COL19A1: variants seen among roughly 807,000 people sequenced by gnomAD.
COL19A1 encodes the protein collagen alpha-1(XIX) chain.
A neutral mutation model predicts 190.2 loss-of-function variants in COL19A1; 159 were observed. The observed-to-expected ratio is 0.84, with a 90% CI of 0.73 to 0.95. The LOEUF (loss-of-function observed/expected upper bound fraction) is 0.95. Among genes scored for constraint, COL19A1 ranks in the 40% least tolerant of loss-of-function variants. The pLI, the probability that COL19A1 is intolerant of heterozygous loss-of-function variation, is 0.00. For missense variants in COL19A1, 1,418 were observed against 1,431.9 expected, an observed-to-expected ratio of 0.99 and a Z score of 0.16; for synonymous variants, 509 against 458.9, an observed-to-expected ratio of 1.11 and a Z score of -1.39.
At chr6:69,920,422 T>C (rs890579943) in intron 4 of COL19A1, among the ~76,000 whole-genome samples, 1 of 152,172 alleles carries the variant, frequency 6.6e-6, no homozygotes, top group Non-Finnish European at 1.5e-5. Flanking sequence ...TCTGCAACAT[T>C]GAAGTGAATT....
At position 70,130,690 on chromosome 6, in the gene COL19A1, A is replaced by G. The variant is rs538766790; in HGVS notation, c.1383+467A>G. Among the ~76,000 whole-genome samples, 132 of 152,354 alleles carry G rather than the reference A, an allele frequency of 8.7e-4. 1 individual carries two copies. The highest frequency in any genetic ancestry group is 2.6e-3 in the African/African-American group (108 of 41,590). The stretch of plus-strand genomic sequence containing the variant: ...GCCTGCCTCCTGACCAGGCAGTAGG[A>G]TTCGAATCTGCTTCAGGGTCCAGCA... On this transcript the variant is annotated intron_variant, in intron 18 of 50. Coordinates refer to ENST00000620364, the MANE Select transcript of COL19A1 (RefSeq NM_001858.6).
intron 49 of COL19A1, among the ~76,000 whole-genome samples, chr6:70,204,956 G>C (rs1260275227): frequency 6.6e-6 from 1 of 151,986 alleles, no homozygotes; most frequent in African/African-American, 2.4e-5. Context: ...TTTTTTTCCT[G>C]CTGTTCACAT....
chr6:70,184,096 C>A (rs1562252385), intron 44 of COL19A1, among the ~76,000 whole-genome samples: 1 of 152,186 alleles, frequency 6.6e-6, no homozygotes, highest in Non-Finnish European at 1.5e-5. Context: ...CTGTCAAAAA[C>A]CATGATTATA....
intron 1 of COL19A1, among the ~76,000 whole-genome samples, chr6:69,869,038 A>G (rs546116321): frequency 0.064 from 1,084 of 16,950 alleles, 30 homozygotes; most frequent in East Asian, 0.34. Context: ...AGATGCTGGA[A>G]AAAAAAAAAA....
chr6:70,105,184 A>T (rs762216445), intron 16 of COL19A1, among the ~76,000 whole-genome samples: 1 of 152,174 alleles, frequency 6.6e-6, no homozygotes, highest in Non-Finnish European at 1.5e-5. Flanking sequence ...TTAGGAAAAA[A>T]TCTATGCAGA....
intron 4 of COL19A1, among the ~76,000 whole-genome samples, chr6:69,924,072 C>A (rs1417810890): frequency 2.0e-5 from 3 of 152,004 alleles, no homozygotes; most frequent in Non-Finnish European, 4.4e-5. Context: ...CCAATGTTAC[C>A]ATATTATATT....
intron 11 of COL19A1, among the ~76,000 whole-genome samples, chr6:69,976,817 G>GAGAC (rs1330218923): frequency 6.6e-6 from 1 of 152,110 alleles, no homozygotes; most frequent in East Asian, 1.9e-4. Context: ...ACACTCAAGG[G>GAGAC]AGACAATTGC....
In COL19A1 at chr6:69,929,539, C is replaced by T. The variant is rs150284256; in HGVS notation, c.505C>T (p.Arg169Cys). 542 of 1,613,960 alleles carry T rather than the reference C, an allele frequency of 3.4e-4. No individual in the cohort carries two copies. The African/African-American group carries it at 6.2e-3, about 18-fold the overall frequency. The change falls in exon 6 of 51, where the codon CGT becomes TGT. Residue 169 changes from arginine (R) to cysteine (C), a missense_variant. Physicochemically the swap from Arg to Cys is radical, Grantham distance 180 (BLOSUM62 -3). Coordinates refer to ENST00000620364, the MANE Select transcript of COL19A1 (RefSeq NM_001858.6). Reference protein sequence around the residue: ...RNRELRPLFDRQWHKLGISIQ... With the variant: ...RNRELRPLFDCQWHKLGISIQ... ...TCGAGAACTCCGTCCTTTGTTTGAT[C>T]GTCAGTGGCACAAACTTGGCATTAG...
intron 12 of COL19A1, among the ~76,000 whole-genome samples, chr6:70,026,486 C>A (rs1000216382): frequency 3.9e-5 from 6 of 152,170 alleles, no homozygotes; most frequent in Non-Finnish European, 8.8e-5. Flanking sequence ...AACCATAAAG[C>A]ATGACAAAGC....
At chr6:69,962,012 T>C (rs1774828284) in intron 10 of COL19A1, among the ~76,000 whole-genome samples, 1 of 152,194 alleles carries the variant, frequency 6.6e-6, no homozygotes, top group Admixed American at 6.5e-5. Context: ...AAATGCTTGC[T>C]GAATGCTTCT....
intron 1 of COL19A1, among the ~76,000 whole-genome samples, chr6:69,870,624 G>A (rs1767768247): frequency 6.6e-6 from 1 of 152,204 alleles, no homozygotes; most frequent in South Asian, 2.1e-4. Flanking sequence ...CACTGTAAAA[G>A]AGCCTTGAGT....
intron 29 of COL19A1, 24 bp downstream of exon 29, chr6:70,149,928 T>C (rs1562221739): frequency 6.2e-7 from 1 of 1,613,624 alleles, no homozygotes; most frequent in Non-Finnish European, 8.5e-7. Flanking sequence ...TTATCTACCC[T>C]CCCCCATTTT....
intron 4 of COL19A1, among the ~76,000 whole-genome samples, chr6:69,921,993 A>T (rs1336556098): frequency 6.6e-6 from 1 of 152,122 alleles, no homozygotes; most frequent in Admixed American, 6.6e-5. Context: ...TAGACATAGC[A>T]AGCTGTCATT....
chr6:70,040,722 G>A (rs1346212918), intron 14 of COL19A1, among the ~76,000 whole-genome samples: 1 of 152,032 alleles, frequency 6.6e-6, no homozygotes, highest in Non-Finnish European at 1.5e-5. Context: ...AGAAATCTGA[G>A]GCCTGTAAAA....
chr6:70,078,926 G>A (rs368947917), intron 15 of COL19A1, among the ~76,000 whole-genome samples: 26 of 152,204 alleles, frequency 1.7e-4, no homozygotes, highest in Admixed American at 1.2e-3. Context: ...AATTAGCTGG[G>A]CATGGTGGTG....
In COL19A1 at chr6:69,927,906, C is replaced by T; in HGVS notation, c.267-3C>T. 1 of 1,602,168 alleles carries T rather than the reference C, an allele frequency of 6.2e-7. No individual in the cohort carries two copies. Among genetic ancestry groups the T allele is most frequent in the Non-Finnish European group, 8.5e-7 (1 of 1,172,840 alleles). On this transcript the variant is annotated splice_polypyrimidine_tract_variant and splice_region_variant and intron_variant, in intron 4 of 50. Coordinates refer to ENST00000620364, the MANE Select transcript of COL19A1 (RefSeq NM_001858.6). The stretch of plus-strand genomic sequence containing the variant: ...ACAAAAGTTCTTTGTTTTCCTCCCA[C>T]AGTAAGATATTTCCCAAAGGCCTTC...
At chr6:70,128,462 A>G (rs1785330552) in intron 17 of COL19A1, among the ~76,000 whole-genome samples, 1 of 152,186 alleles carries the variant, frequency 6.6e-6, no homozygotes, top group Admixed American at 6.5e-5. Flanking sequence ...ACAAGCCAAG[A>G]GAGTGACAAG....
At chr6:70,042,157 C>T (rs1423106741) in intron 14 of COL19A1, among the ~76,000 whole-genome samples, 2 of 152,016 alleles carry the variant, frequency 1.3e-5, no homozygotes, top group Non-Finnish European at 2.9e-5. Flanking sequence ...TGTAAATGTG[C>T]GATGCAGCCC....
Position 69,927,962 on chromosome 6 carries a change from G to T in COL19A1, c.320G>T (p.Arg107Leu), listed in dbSNP as rs767849294. The change falls in exon 5 of 51, where the codon CGA (arginine) becomes CTA (leucine). Residue 107 changes from arginine (R) to leucine (L), a missense_variant. By Grantham distance (102) the Arg-to-Leu change is moderately radical. Coordinates refer to ENST00000620364, the MANE Select transcript of COL19A1 (RefSeq NM_001858.6). ...GAGTACTCAGTAGCTGCCATGTTTCGAGTACGAAGAAACGCCAAAAAGGAA... is the reference window on the plus strand; with the variant it reads ...GAGTACTCAGTAGCTGCCATGTTTCTAGTACGAAGAAACGCCAAAAAGGAA... ...PEEYSVAAMF[R>L]VRRNAKKERW... 1 of 1,613,300 alleles carries T rather than the reference G, an allele frequency of 6.2e-7. No homozygotes were observed.
Sources: gnomAD v4.1 joint callset for allele counts (sites outside exome capture counted in the v4.1 genomes callset) on GRCh38, gnomAD v4.1.1 for gene constraint, MANE v1.5 for transcripts, NCBI Gene and HGNC (gene_info 2026-07-23, HGNC 2026-07-21) for gene names.